EXD1: variants seen among roughly 807,000 people sequenced by gnomAD.
EXD1 encodes exonuclease 3'-5' domain containing 1.
In EXD1, 63 loss-of-function variants were observed where a neutral mutation model predicts 49.1. The ratio of observed to expected loss-of-function variants is 1.28; its 90% CI spans 1.05 to 1.58. EXD1 has a LOEUF of 1.58. EXD1 is among the 40% of genes most tolerant of loss of function. The pLI is 0.00. For synonymous variants in EXD1, 234 were observed against 239.2 expected, an observed-to-expected ratio of 0.98 and a Z score of 0.20; for missense variants, 748 against 666.0, an observed-to-expected ratio of 1.12 and a Z score of -1.36.
intron 7 of EXD1, among the ~76,000 whole-genome samples, chr15:41,199,722 T>TTATATATATCA (rs1391239565): frequency 7.4e-5 from 7 of 94,600 alleles, no homozygotes; most frequent in Admixed American, 4.0e-4. Context: ...ATATGATATA[T>TTATATATATCA]TATATATGAT....
chr15:41,216,921 T>G, intron 4 of EXD1, 126 bp from the exon 5 acceptor site: 4 of 1,421,884 alleles, frequency 2.8e-6, no homozygotes, highest in Non-Finnish European at 3.8e-6. Flanking sequence ...ATTCATCCAC[T>G]GCTTACATTG....
chr15:41,191,826 G>T (rs1166715694), intron 9 of EXD1: 1 of 406,940 alleles, frequency 2.5e-6, no homozygotes, highest in Non-Finnish European at 4.4e-6. Flanking sequence ...GCTCAGGCTG[G>T]AGTGCAGTGG....
Position 41,226,317 on chromosome 15 carries a change from C to G in EXD1, c.133+126G>C, listed in dbSNP as rs2047164162. On this transcript the variant is annotated intron_variant, in intron 2 of 11. Transcript: ENST00000458580. ...TTGTTCTGTTTGGGAAAACAATATT[C>G]TAACCTTCCTCCCACACTTTACCTA... is the stretch of plus-strand genomic sequence containing the variant. 8 of 919,070 alleles carry G rather than the reference C, an allele frequency of 8.7e-6. No individual in the cohort carries two copies. In the South Asian group the frequency reaches 1.2e-4, roughly 14 times the overall value. The allele number at this position is 919,070 out of a possible 1,614,324, so 56.9% of individuals were successfully genotyped here.
intron 3 of EXD1, among the ~76,000 whole-genome samples, chr15:41,217,846 T>G (rs984624116): frequency 5.9e-5 from 9 of 152,208 alleles, no homozygotes; most frequent in African/African-American, 2.2e-4. Context: ...GTTTAGGTAC[T>G]TTTCAAGCAA....
rs927533680 is a variant in EXD1 at position 41,207,252 on chromosome 15, G to A, written c.534+2249C>T. On this transcript the variant is annotated intron_variant, in intron 7 of 11. Coordinates refer to ENST00000458580, the MANE Select transcript of EXD1 (RefSeq NM_001286441.2). ...TGAAACTCCGTCTCAAAAAAAAGTAGTGCCTCTGGCAGGGTGTGGTGGCTC... is the reference window on the plus strand; with the variant it reads ...TGAAACTCCGTCTCAAAAAAAAGTAATGCCTCTGGCAGGGTGTGGTGGCTC... Among the ~76,000 whole-genome samples the A allele has an allele frequency of 4.0e-5, 6 of 150,866 alleles. No individual in the cohort carries two copies. In the South Asian group the frequency reaches 8.4e-4, roughly 21 times the overall value.
Position 41,183,978 on chromosome 15 carries a change from A to G in EXD1, c.1672T>C (p.Leu558=), listed in dbSNP as rs1344092113. 6.2e-7 allele frequency: 1 copy of G among 1,612,310 alleles called. No homozygotes were observed. The highest frequency in any genetic ancestry group is 8.5e-7 in the Non-Finnish European group (1 of 1,179,150). Residue 558 remains leucine (L), a synonymous_variant, in exon 12 of 12, where the codon TTG becomes CTG. Transcript: ENST00000458580. ...CTTATCCAGGAATCGATCTTCTCCA[A>G]GGCTGGACAGGGAGGGAGTGTGGAA... The part of the protein sequence containing the change: ...VVSTLPPCPA[L]EKIDSWISPF...
Position 41,184,575 on chromosome 15 carries a change from G to T in EXD1, c.1075C>A (p.Pro359Thr), listed in dbSNP as rs1169183324. 1 of 1,598,564 alleles carries T rather than the reference G, an allele frequency of 6.3e-7. No homozygotes were observed. The change falls in exon 12 of 12, where the codon CCA (proline) becomes ACA (threonine). Residue 359 changes from proline (P) to threonine (T), a missense_variant. Physicochemically the swap from Pro to Thr is conservative, Grantham distance 38 (BLOSUM62 -1). Transcript: ENST00000458580. Reference protein sequence around the residue: ...GGTEPTCMELPEELLQLKDFQ... With the variant: ...GGTEPTCMELTEELLQLKDFQ... The stretch of plus-strand genomic sequence containing the variant: ...TCCTTGAGTTGAAGCAGTTCCTCTG[G>T]CAGCTCCATACATGTAGGCTAAGAA...
At chr15:41,190,199 G>T in intron 10 of EXD1, 71 bp from the exon 11 acceptor site, 1 of 1,518,830 alleles carries the variant, frequency 6.6e-7, no homozygotes, top group Non-Finnish European at 9.1e-7. Context: ...TTTAGGCTGG[G>T]CACAGTGGCT....
chr15:41,186,470 C>CAAAAAAAA (rs58793050), intron 11 of EXD1, among the ~76,000 whole-genome samples: 3 of 68,278 alleles, frequency 4.4e-5, no homozygotes, highest in Admixed American at 2.2e-4. Flanking sequence ...GACTCTGTCT[C>CAAAAAAAA]AAAAAAAAAA....
intron 6 of EXD1, among the ~76,000 whole-genome samples, chr15:41,212,426 G>C (rs1332221858): frequency 6.6e-6 from 1 of 151,830 alleles, no homozygotes; most frequent in Non-Finnish European, 1.5e-5. Flanking sequence ...CTGCACTCCA[G>C]CCTGGGCGAC....
chr15:41,199,734 T>TATAATATATATC lies in EXD1; in HGVS notation c.535-3698_535-3697insGATATATATTAT, dbSNP rs376100627. On this transcript the variant is annotated intron_variant, in intron 7 of 11. Transcript: ENST00000458580. ...TATATATGATATATTATATATGATATATATGTCATATATTATATATGATAC... is the reference window on the plus strand; with the variant it reads ...TATATATGATATATTATATATGATATATAATATATATCATATGTCATATATTATATATGATAC... 3.1e-5 allele frequency among the ~76,000 whole-genome samples: 2 copies of TATAATATATATC among 65,238 alleles called. 1 individual carries two copies. Among genetic ancestry groups the TATAATATATATC allele is most frequent in the Non-Finnish European group, 6.1e-5 (2 of 32,792 alleles). 42.8% of individuals were successfully genotyped at this position (65,238 alleles called of 152,430 possible). A position where few individuals can be genotyped will look rare whatever the true frequency, so the allele number is the denominator to read the frequency against.
At chr15:41,210,306 G>T in intron 6 of EXD1, among the ~76,000 whole-genome samples, 1 of 152,124 alleles carries the variant, frequency 6.6e-6, no homozygotes, top group Non-Finnish European at 1.5e-5. Flanking sequence ...GAATATAGGT[G>T]GTGGCTAAGT....
intron 7 of EXD1, among the ~76,000 whole-genome samples, chr15:41,196,970 AC>A (rs2046623985): frequency 6.6e-6 from 1 of 151,394 alleles, no homozygotes; most frequent in Non-Finnish European, 1.5e-5. Context: ...GATTACAGGC[AC>A]CCACCACCAC....
intron 6 of EXD1, among the ~76,000 whole-genome samples, chr15:41,214,751 C>CT (rs544183000): frequency 1.9e-3 from 274 of 145,522 alleles, no homozygotes; most frequent in Middle Eastern, 7.3e-3. Flanking sequence ...AAGTTCTTCA[C>CT]TTTTTTTTTT....
chr15:41,219,552 GC>G (rs1393565414), intron 3 of EXD1: 1 of 294,194 alleles, frequency 3.4e-6, no homozygotes, highest in Non-Finnish European at 6.3e-6. Flanking sequence ...ATTTTAAGTA[GC>G]TTGCTTAGCA....
chr15:41,195,851 A>G lies in EXD1; in HGVS notation c.644T>C (p.Ile215Thr), dbSNP rs1051533043. Residue 215 changes from isoleucine (I) to threonine (T), a missense_variant, in exon 9 of 12, where the codon ATC (isoleucine) becomes ACC (threonine). Coordinates refer to ENST00000458580, the MANE Select transcript of EXD1 (RefSeq NM_001286441.2). Reference sequence around the variant, plus strand: ...ATCAGAAAGCCAACGACAATCATGGATAACCTAAGGAATCAGAAGGAAACA... The same window carrying G: ...ATCAGAAAGCCAACGACAATCATGGGTAACCTAAGGAATCAGAAGGAAACA... ...ILEDKRILKV[I>T]HDCRWLSDCL... 1 of 1,613,428 alleles carries G rather than the reference A, an allele frequency of 6.2e-7. No individual in the cohort carries two copies. Among genetic ancestry groups the G allele is most frequent in the East Asian group, 2.2e-5 (1 of 44,864 alleles).
At chr15:41,222,142 C>T (rs761279220) in intron 2 of EXD1, among the ~76,000 whole-genome samples, 49 of 151,990 alleles carry the variant, frequency 3.2e-4, no homozygotes, top group Non-Finnish European at 5.0e-4. Context: ...GGGCCAGGCA[C>T]GGTGGCTCAT....
intron 10 of EXD1, chr15:41,190,445 C>A: frequency 3.2e-6 from 1 of 314,928 alleles, no homozygotes; most frequent in Non-Finnish European, 6.2e-6. Flanking sequence ...TGCGCCACTG[C>A]ACTCCAGCCT....
chr15:41,191,222 G>A (rs140570711), intron 10 of EXD1, among the ~76,000 whole-genome samples: 45 of 152,044 alleles, frequency 3.0e-4, no homozygotes, highest in Middle Eastern at 3.4e-3. Context: ...CACCGAGCCC[G>A]GCCTAAGACT....
Sources: allele counts gnomAD v4.1 joint callset (sites outside exome capture counted in the v4.1 genomes callset), GRCh38; gene constraint gnomAD v4.1.1; transcripts MANE v1.5; gene names NCBI Gene and HGNC (gene_info 2026-07-23, HGNC 2026-07-21).